The following RELN variants were observed in gnomAD, a reference collection of about 807,000 sequenced individuals.
RELN encodes the protein reelin.
Under a neutral mutation model 427.6 loss-of-function variants are expected in RELN, and 108 were observed. That is an observed-to-expected ratio of 0.25 (90% CI 0.22 to 0.30). The LOEUF is 0.30. RELN is among the 10% of genes least tolerant of loss of function. RELN has a pLI of 1.00. For missense variants in RELN, 3,715 were observed against 4,302.8 expected (o/e 0.86, Z 3.82); for synonymous variants, 1,524 against 1,513.4 (o/e 1.01, Z -0.16).
At position 103,603,167 on chromosome 7, in the gene RELN, AGGAATTTGATAGAGCCCACTC is replaced by A; in HGVS notation, c.3333+116_3333+136del. ...ATTTCCCAAGACATAGCTAAGGAAT[AGGAATTTGATAGAGCCCACTC>A]AAAAGCGGGGAACGTGGGGAACAAT... On this transcript the variant is annotated intron_variant, in intron 24 of 64. Transcript: ENST00000428762. The surrounding 1 kb of genome is among the most constrained non-coding windows in gnomAD (Gnocchi z 4.3). 1 of 759,916 alleles carries A rather than the reference AGGAATTTGATAGAGCCCACTC, an allele frequency of 1.3e-6. No homozygotes were observed. 47.1% of individuals were successfully genotyped at this position (759,916 alleles called of 1,614,324 possible).
chr7:103,638,867 A>T (rs1832639083), intron 17 of RELN, among the ~76,000 whole-genome samples: 1 of 152,210 alleles, frequency 6.6e-6, no homozygotes, highest in Non-Finnish European at 1.5e-5. Context: ...TAATGAAACC[A>T]CTTAATTCTA....
At chr7:103,489,203 GGTGTGTGT>G (rs3051647) in intron 60 of RELN, among the ~76,000 whole-genome samples, 2,361 of 147,862 alleles carry the variant, frequency 0.016, 47 homozygotes, top group South Asian at 0.12. Flanking sequence ...GTCATAAAGG[GGTGTGTGT>G]GTGTGTGTGT....
intron 20 of RELN, among the ~76,000 whole-genome samples, chr7:103,627,045 C>A (rs1007544348): frequency 1.3e-5 from 2 of 152,046 alleles, no homozygotes; most frequent in Admixed American, 1.3e-4. Flanking sequence ...CCCTGAAGAA[C>A]ACTCTGAGTA....
chr7:103,560,851 T>G (rs1830626101), intron 36 of RELN, among the ~76,000 whole-genome samples: 1 of 152,216 alleles, frequency 6.6e-6, no homozygotes, highest in African/African-American at 2.4e-5. Context: ...GGTATCTAAT[T>G]TTCTAGGTGT....
chr7:103,736,863 A>G (rs1173513189), intron 6 of RELN, among the ~76,000 whole-genome samples: 1 of 152,120 alleles, frequency 6.6e-6, no homozygotes, highest in Non-Finnish European at 1.5e-5. Flanking sequence ...TAACCTTTCT[A>G]TTGTAGATGA....
At chr7:103,545,778 C>T (rs1009244437) in intron 41 of RELN, among the ~76,000 whole-genome samples, 3 of 151,840 alleles carry the variant, frequency 2.0e-5, no homozygotes, top group South Asian at 2.1e-4. Flanking sequence ...AGTGGCTGGG[C>T]GTGCCCACCA....
intron 47 of RELN, among the ~76,000 whole-genome samples, chr7:103,522,861 CT>C (rs1829742705): frequency 1.2e-4 from 1 of 8,264 alleles, no homozygotes; most frequent in South Asian, 7.0e-3. Context: ...ACCCCCACAC[CT>C]TCATTTAAAT....
chr7:103,751,488 G>A (rs1304886343), intron 5 of RELN, among the ~76,000 whole-genome samples: 1 of 152,362 alleles, frequency 6.6e-6, no homozygotes, highest in Middle Eastern at 3.4e-3. Context: ...GCTCAGACGC[G>A]AAGCCTCAGG....
At chr7:103,600,655 TCTTA>T (rs1409686030) in intron 24 of RELN, among the ~76,000 whole-genome samples, 2 of 152,112 alleles carry the variant, frequency 1.3e-5, no homozygotes, top group African/African-American at 4.8e-5. Flanking sequence ...AGATAGTTCC[TCTTA>T]CTTAGAATTC....
At chr7:103,676,096 C>T (rs552101753) in intron 11 of RELN, among the ~76,000 whole-genome samples, 35 of 152,242 alleles carry the variant, frequency 2.3e-4, no homozygotes, top group East Asian at 7.7e-4. Flanking sequence ...TCAGAGTGAA[C>T]AGGCAACCTA....
intron 7 of RELN, among the ~76,000 whole-genome samples, chr7:103,726,880 AT>A (rs1346321662): frequency 6.6e-6 from 1 of 152,194 alleles, no homozygotes; most frequent in East Asian, 1.9e-4. Context: ...GTCTGCAGGA[AT>A]ATTATAGCAC....
At chr7:103,860,096 C>T (rs918136498) in intron 2 of RELN, among the ~76,000 whole-genome samples, 21 of 152,218 alleles carry the variant, frequency 1.4e-4, no homozygotes, top group Non-Finnish European at 2.2e-4. Flanking sequence ...ATCAGTCATA[C>T]GTTGTTCATT....
chr7:103,780,770 T>C (rs1791869120), intron 3 of RELN, among the ~76,000 whole-genome samples: 3 of 152,180 alleles, frequency 2.0e-5, no homozygotes, highest in Admixed American at 6.5e-5. Context: ...CCATGGTATA[T>C]ATGTATCATA....
rs189383757 is a variant in RELN at position 103,475,161 on chromosome 7, A to G, written c.10287-2253T>C. Among the ~76,000 whole-genome samples, 22 of 152,106 alleles carry G rather than the reference A, an allele frequency of 1.4e-4. No individual in the cohort carries two copies. The East Asian group carries it at 3.5e-3, about 24-fold the overall frequency. Reference sequence around the variant, plus strand: ...TGGCCAGCTGTCAACATCACTTCCTAGATTCTACGTGTTCAAGTATTACAT... The same window carrying G: ...TGGCCAGCTGTCAACATCACTTCCTGGATTCTACGTGTTCAAGTATTACAT... On this transcript the variant is annotated intron_variant, in intron 64 of 64. Transcript: ENST00000428762.
chr7:103,969,200 T>C (rs890519096), intron 1 of RELN, among the ~76,000 whole-genome samples: 6 of 152,154 alleles, frequency 3.9e-5, no homozygotes, highest in Non-Finnish European at 8.8e-5. Context: ...ACTCCTCCAG[T>C]AATTATGGCA....
At chr7:103,636,538 G>A (rs1005319122) in intron 17 of RELN, 70 bp from the exon 18 acceptor site, 1 of 987,808 alleles carries the variant, frequency 1.0e-6, no homozygotes. Flanking sequence ...TCTACTTTGG[G>A]GAGGAAGAAG....
intron 20 of RELN, among the ~76,000 whole-genome samples, chr7:103,623,987 A>G (rs146698101): frequency 1.2e-3 from 180 of 152,308 alleles, no homozygotes; most frequent in African/African-American, 4.1e-3. Flanking sequence ...GTTCTGTCAC[A>G]TTATTATATA....
At chr7:103,799,413 T>G (rs547428088) in intron 3 of RELN, among the ~76,000 whole-genome samples, 31 of 152,310 alleles carry the variant, frequency 2.0e-4, no homozygotes, top group African/African-American at 7.5e-4. Flanking sequence ...AGTGCTTCTG[T>G]AATTCATGTT....
intron 15 of RELN, among the ~76,000 whole-genome samples, chr7:103,651,105 G>T (rs928050651): frequency 6.6e-6 from 1 of 151,976 alleles, no homozygotes; most frequent in African/African-American, 2.4e-5. Flanking sequence ...TTTAAAAGGG[G>T]ATAACAAAGA....
Sources: allele counts gnomAD v4.1 joint callset (sites outside exome capture counted in the v4.1 genomes callset), GRCh38; gene constraint gnomAD v4.1.1; non-coding constraint Gnocchi (gnomAD v3.1); transcripts MANE v1.5; gene names NCBI Gene and HGNC (gene_info 2026-07-23, HGNC 2026-07-21).